The following CYP4F22 variants were observed in gnomAD, a reference collection of about 807,000 sequenced individuals.
CYP4F22 encodes cytochrome P450 family 4 subfamily F member 22.
A neutral mutation model predicts 60.4 loss-of-function variants in CYP4F22; 37 were observed. The ratio of observed to expected loss-of-function variants is 0.61; its 90% CI spans 0.47 to 0.81. The LOEUF is 0.81. Among genes scored for constraint, CYP4F22 ranks in the 30% least tolerant of loss-of-function variants. The pLI is 0.00. For missense variants in CYP4F22, 655 were observed against 715.0 expected, an observed-to-expected ratio of 0.92 and a Z score of 0.96; for synonymous variants, 258 against 280.5, an observed-to-expected ratio of 0.92 and a Z score of 0.80.
At chr19:15,525,852 C>T (rs1219128636) in intron 3 of CYP4F22, among the ~76,000 whole-genome samples, 2 of 151,960 alleles carry the variant, frequency 1.3e-5, no homozygotes, top group South Asian at 4.2e-4. Context: ...CATAGTGAGA[C>T]CCCCTCTCTA....
chr19:15,530,544 C>T (rs986151020), intron 4 of CYP4F22, among the ~76,000 whole-genome samples: 5 of 152,206 alleles, frequency 3.3e-5, no homozygotes, highest in South Asian at 4.1e-4. Context: ...TCAGTTCTCA[C>T]GCTGCTATGA....
In CYP4F22 at chr19:15,529,768, T is replaced by C; in HGVS notation, c.282T>C (p.His94=). Residue 94 remains histidine (H), a synonymous_variant, in exon 4 of 14, where the codon CAT becomes CAC. Transcript: ENST00000269703. ...AGAAGGTACTGGACAACATGCACCA[T>C]GTACTCTTGGTATGGATGGGACCTG... ...DEKKVLDNMH[H]VLLVWMGPVL... is the part of the protein sequence containing the mutation. 6.2e-7 allele frequency: 1 copy of C among 1,614,130 alleles called. No homozygotes were observed. The highest frequency in any genetic ancestry group is 8.5e-7 in the Non-Finnish European group (1 of 1,180,014).
rs765490114 is a variant in CYP4F22, at chr19:15,551,352, C to A, written c.1477C>A (p.Leu493Met). 6.2e-7 allele frequency: 1 copy of A among 1,613,380 alleles called. No individual in the cohort carries two copies. The highest frequency in any genetic ancestry group is 1.7e-5 in the Admixed American group (1 of 59,946). Residue 493 changes from leucine (L) to methionine (M), a missense_variant, in exon 14 of 14, where the codon CTG becomes ATG. This residue lies in a region of CYP4F22 where 151 missense variants were observed against 139.4 expected (regional missense o/e 1.08). Coordinates refer to ENST00000269703, the MANE Select transcript of CYP4F22 (RefSeq NM_173483.4). ...AELRVVVALT[L>M]LRFRLSVDRT... is the part of the protein sequence containing the mutation. ...GTTGCGCGTGGTTGTGGCACTAACA[C>A]TGCTACGTTTCCGCCTGAGCGTGGA... is the stretch of plus-strand genomic sequence containing the variant.
At position 15,549,144 on chromosome 19, in the gene CYP4F22, T is replaced by C. The variant is rs1488392418; in HGVS notation, c.1277T>C (p.Ile426Thr). Residue 426 changes from isoleucine (I) to threonine (T), a missense_variant, in exon 12 of 14, where the codon ATC becomes ACC. Physicochemically the swap from Ile to Thr is moderately conservative, Grantham distance 89 (BLOSUM62 -1). This residue lies in a region of CYP4F22 where 74 missense variants were observed against 118.4 expected (regional missense o/e 0.62). Transcript: ENST00000269703. ...ATCCCATCTTTCCCCACAGGAATCATCTGCTTGGTCAGCATCTATGGAACC... is the reference window on the plus strand; with the variant it reads ...ATCCCATCTTTCCCCACAGGAATCACCTGCTTGGTCAGCATCTATGGAACC... ...PDGRIIPKGI[I>T]CLVSIYGTHH... The C allele has an allele frequency of 6.2e-7, 1 of 1,613,890 alleles. No individual in the cohort carries two copies. Among genetic ancestry groups the C allele is most frequent in the Non-Finnish European group, 8.5e-7 (1 of 1,179,996 alleles).
chr19:15,541,388 G>T (rs1238495833), intron 8 of CYP4F22, among the ~76,000 whole-genome samples: 1 of 152,112 alleles, frequency 6.6e-6, no homozygotes, highest in Non-Finnish European at 1.5e-5. Context: ...TCTTCCCTCT[G>T]TGCCTGTCTC....
intron 4 of CYP4F22, among the ~76,000 whole-genome samples, chr19:15,535,047 A>G (rs1971381078): frequency 6.6e-6 from 1 of 152,212 alleles, no homozygotes; most frequent in Non-Finnish European, 1.5e-5. Context: ...GCTATTGACC[A>G]GATCCTGGTG....
At position 15,525,458 on chromosome 19, in the gene CYP4F22, G is replaced by A. The variant is rs142720535; in HGVS notation, c.122G>A (p.Arg41Gln). ...TTCTTCCTGTTCCGCCTGCTGCTGC[G>A]GTTCCTGAGGCTCTGCAGGAGCTTC... ...LLFFLFRLLLRFLRLCRSFYI... is the reference protein window; with the variant it reads ...LLFFLFRLLLQFLRLCRSFYI... Residue 41 changes from arginine (R) to glutamine (Q), a missense_variant, in exon 3 of 14, where the codon CGG becomes CAG. Arg to Gln is a conservative substitution (Grantham distance 43, BLOSUM62 1). Transcript: ENST00000269703. The A allele has an allele frequency of 2.2e-5, 36 of 1,614,086 alleles. No individual in the cohort carries two copies. In the African/African-American group the frequency reaches 2.7e-4, roughly 12 times the overall value.
At chr19:15,543,588 A>T (rs1014531543) in intron 8 of CYP4F22, among the ~76,000 whole-genome samples, 18 of 152,064 alleles carry the variant, frequency 1.2e-4, no homozygotes, top group African/African-American at 4.3e-4. Context: ...CAGGCGTGGT[A>T]GCTCATGTCT....
chr19:15,543,881 G>T, intron 8 of CYP4F22, 90 bp from the exon 9 acceptor site: 3 of 1,322,262 alleles, frequency 2.3e-6, no homozygotes, highest in South Asian at 1.3e-5. Flanking sequence ...AAAAAAAGAT[G>T]GGGGCGGGGA....
intron 3 of CYP4F22, among the ~76,000 whole-genome samples, chr19:15,525,830 C>G (rs1477109887): frequency 6.6e-6 from 1 of 151,576 alleles, no homozygotes; most frequent in Non-Finnish European, 1.5e-5. Context: ...AGTTTGAGAC[C>G]AGCTTGGGAA....
At chr19:15,528,558 C>A (rs1319039949) in intron 3 of CYP4F22, among the ~76,000 whole-genome samples, 1 of 118,198 alleles carries the variant, frequency 8.5e-6, no homozygotes, top group Admixed American at 8.8e-5. Flanking sequence ...ACAACTCATC[C>A]TTTACTGGTG....
At chr19:15,547,343 C>G (rs1045575067) in intron 10 of CYP4F22, among the ~76,000 whole-genome samples, 1 of 152,004 alleles carries the variant, frequency 6.6e-6, no homozygotes, top group Non-Finnish European at 1.5e-5. Context: ...TTTTTAAGTA[C>G]AGAAATGGAC....
chr19:15,546,720 C>T (rs1032474452), intron 10 of CYP4F22, among the ~76,000 whole-genome samples: 1 of 152,010 alleles, frequency 6.6e-6, no homozygotes, highest in African/African-American at 2.4e-5. Flanking sequence ...GGAGATAATG[C>T]ACTTTTCTTT....
chr19:15,545,830 C>T (rs1329748933), intron 10 of CYP4F22, among the ~76,000 whole-genome samples: 3 of 151,996 alleles, frequency 2.0e-5, no homozygotes, highest in African/African-American at 7.3e-5. Context: ...GAACACTTTG[C>T]TAATCTTCCT....
chr19:15,547,018 G>GTTTTTTTTTTT lies in CYP4F22; in HGVS notation c.1137-1078_1137-1068dup, dbSNP rs71176432. ...GAGCCACCATGCCTGGCCTGCACCAGTTTTTTTTTTTTTTTTTTTTTTAAG... is the reference window on the plus strand; with the variant it reads ...GAGCCACCATGCCTGGCCTGCACCAGTTTTTTTTTTTTTTTTTTTTTTTTTTTTTTTTTAAG... On this transcript the variant is annotated intron_variant, in intron 10 of 13. Coordinates refer to ENST00000269703, the MANE Select transcript of CYP4F22 (RefSeq NM_173483.4). Among the ~76,000 whole-genome samples the GTTTTTTTTTTT allele has an allele frequency of 4.4e-3, 360 of 82,296 alleles. 39 individuals are homozygous for GTTTTTTTTTTT. The highest frequency in any genetic ancestry group is 0.016 in the African/African-American group (273 of 17,580). The allele number at this position is 82,296 out of a possible 152,430, so 54.0% of individuals were successfully genotyped here. A position where few individuals can be genotyped will look rare whatever the true frequency, so the allele number is the denominator to read the frequency against.
intron 3 of CYP4F22, 95 bp downstream of exon 3, chr19:15,525,653 C>A: frequency 1.6e-6 from 2 of 1,238,918 alleles, no homozygotes; most frequent in Non-Finnish European, 2.3e-6. Flanking sequence ...CACAGCCTCC[C>A]AAGAATCTGG....
intron 4 of CYP4F22, 143 bp downstream of exon 4, chr19:15,529,996 G>T (rs1364544224): frequency 2.5e-6 from 3 of 1,194,044 alleles, no homozygotes; most frequent in Non-Finnish European, 2.5e-6. Flanking sequence ...AAGCAAGCAT[G>T]GCAATCCAGA....
chr19:15,542,300 G>A (rs1971471741), intron 8 of CYP4F22, among the ~76,000 whole-genome samples: 1 of 152,122 alleles, frequency 6.6e-6, no homozygotes, highest in South Asian at 2.1e-4. Context: ...GGGAAGCTGA[G>A]GTGGGAGGAT....
chr19:15,523,166 C>T (rs1307779733), intron 1 of CYP4F22, among the ~76,000 whole-genome samples: 2 of 151,276 alleles, frequency 1.3e-5, no homozygotes, highest in East Asian at 2.0e-4. Context: ...ACCAGCCTGG[C>T]CAACATGGTG....
Sources: gnomAD v4.1 joint callset for allele counts (sites outside exome capture counted in the v4.1 genomes callset) on GRCh38, gnomAD v4.1.1 for gene constraint, gnomAD v4.1.1 regional missense constraint, MANE v1.5 for transcripts, NCBI Gene and HGNC (gene_info 2026-07-23, HGNC 2026-07-21) for gene names.